Variants in WRN observed in about 807,000 individuals in gnomAD.
WRN encodes WRN RecQ like helicase, also known as bifunctional 3'-5' exonuclease/ATP-dependent helicase WRN.
WRN carries 149 observed loss-of-function variants against 180.7 expected under a neutral mutation model. The ratio of observed to expected loss-of-function variants is 0.82; its 90% confidence interval spans 0.72 to 0.94. The LOEUF is 0.94. WRN is among the 40% of genes least tolerant of loss of function. The probability of loss-of-function intolerance (pLI) is 0.00; values close to 1 mark genes in which losing one functional copy is unlikely to be tolerated. For synonymous variants in WRN, 548 were observed against 568.9 expected (o/e 0.96, Z 0.52); for missense variants, 1,661 against 1,700.1 (o/e 0.98, Z 0.40).
chr8:31,048,386 T>C (rs1017196128), intron 1 of WRN, among the ~76,000 whole-genome samples: 2 of 152,220 alleles, frequency 1.3e-5, no homozygotes, highest in African/African-American at 2.4e-5. Flanking sequence ...CCCCTTCTTA[T>C]TCTTTTTGGT....
At chr8:31,082,016 C>T (rs1813335075) in intron 9 of WRN, among the ~76,000 whole-genome samples, 1 of 152,180 alleles carries the variant, frequency 6.6e-6, no homozygotes, top group Non-Finnish European at 1.5e-5. Flanking sequence ...CTGCCTTGGC[C>T]TCCCAAAGTG....
At chr8:31,137,801 A>C (rs1255694327) in intron 24 of WRN, among the ~76,000 whole-genome samples, 1 of 152,018 alleles carries the variant, frequency 6.6e-6, no homozygotes, top group African/African-American at 2.4e-5. Flanking sequence ...GTGCTTGTGC[A>C]TGCGTGTGGT....
intron 11 of WRN, among the ~76,000 whole-genome samples, chr8:31,086,139 A>T (rs947100367): frequency 3.9e-5 from 6 of 152,176 alleles, no homozygotes; most frequent in African/African-American, 1.4e-4. Flanking sequence ...GTAAAAAATG[A>T]AGAAAAACAC....
Position 31,059,181 on chromosome 8 carries a change from A to G in WRN, c.125A>G (p.Asp42Gly). The G allele has an allele frequency of 6.2e-7, 1 of 1,613,856 alleles. No homozygotes were observed. Among genetic ancestry groups the G allele is most frequent in the Non-Finnish European group, 8.5e-7 (1 of 1,179,882 alleles). Reference protein sequence around the residue: ...KACVRKSVFEDDLPFLEFTGS... With the variant: ...KACVRKSVFEGDLPFLEFTGS... ...TGTGTTCGGAAGAGTGTTTTTGAAGATGACCTCCCCTTCTTAGAATTCACT... is the reference window on the plus strand; with the variant it reads ...TGTGTTCGGAAGAGTGTTTTTGAAGGTGACCTCCCCTTCTTAGAATTCACT... The change falls in exon 3 of 35, where the codon GAT becomes GGT. Residue 42 changes from aspartate to glycine, a missense_variant. Asp to Gly is a moderately conservative substitution (Grantham distance 94). Coordinates refer to ENST00000298139, the MANE Select transcript of WRN (RefSeq NM_000553.6).
intron 16 of WRN, among the ~76,000 whole-genome samples, chr8:31,094,108 T>C (rs911311447): frequency 1.3e-5 from 2 of 152,208 alleles, no homozygotes; most frequent in African/African-American, 4.8e-5. Flanking sequence ...TTTTATTATA[T>C]ATGACGGAGC....
chr8:31,141,504 G>A lies in WRN; in HGVS notation c.3042G>A (p.Trp1014Ter), dbSNP rs371720457. 1.7e-5 allele frequency: 28 copies of A among 1,614,012 alleles called. No homozygotes were observed. The highest frequency in any genetic ancestry group is 2.2e-5 in the Non-Finnish European group (26 of 1,180,034). Residue 1014 changes from tryptophan (W) to a stop codon, truncating the protein, a stop_gained, in exon 25 of 35, where the codon TGG (tryptophan) becomes TGA (stop). Coordinates refer to ENST00000298139, the MANE Select transcript of WRN (RefSeq NM_000553.6). LOFTEE classifies it high-confidence loss of function. ...FGTGKDQTES[W>*]WKAFSRQLIT... ...CTGGCAAGGATCAAACAGAGAGTTG[G>A]TGGAAGGCTTTTTCCCGTCAGCTGA...
intron 1 of WRN, among the ~76,000 whole-genome samples, chr8:31,047,388 A>G (rs1032022789): frequency 2.0e-5 from 3 of 152,118 alleles, no homozygotes; most frequent in Non-Finnish European, 4.4e-5. Context: ...TTAGCCTCCC[A>G]AAGTGCTGGG....
At chr8:31,134,352 A>G (rs7832041) in intron 24 of WRN, among the ~76,000 whole-genome samples, 10,519 of 152,270 alleles carry the variant, frequency 0.069, 421 homozygotes, top group African/African-American at 0.091. Flanking sequence ...ATATAAATAT[A>G]TAACATAGTA....
rs1182469350 is a variant in WRN, at chr8:31,034,804, A to G, written c.-77+831A>G. ...GAGACAAAGTTGGTCAGGAATTGTT[A>G]TTGGTTTACAGAGATACCATTGCTT... On this transcript the variant is annotated intron_variant, in intron 1 of 34. Transcript: ENST00000298139. Among the ~76,000 whole-genome samples the G allele has an allele frequency of 4.6e-5, 7 of 152,124 alleles. No individual in the cohort carries two copies. In the East Asian group the frequency reaches 1.2e-3, roughly 25 times the overall value.
At chr8:31,069,845 T>C (rs73579593) in intron 7 of WRN, among the ~76,000 whole-genome samples, 2,797 of 152,246 alleles carry the variant, frequency 0.018, 69 homozygotes, top group African/African-American at 0.064. Context: ...GGGAGAGTTA[T>C]GATTTTTTGG....
chr8:31,092,855 C>A (rs1283523258), intron 16 of WRN, among the ~76,000 whole-genome samples: 1 of 152,146 alleles, frequency 6.6e-6, no homozygotes, highest in African/African-American at 2.4e-5. Context: ...AATATTAACT[C>A]TTTTGTGTAA....
intron 18 of WRN, among the ~76,000 whole-genome samples, chr8:31,101,878 T>C (rs1293686758): frequency 1.4e-5 from 2 of 146,890 alleles, no homozygotes; most frequent in Admixed American, 6.8e-5. Flanking sequence ...AAACCCACAA[T>C]AATAGCACTG....
At chr8:31,047,227 C>G (rs570183509) in intron 1 of WRN, among the ~76,000 whole-genome samples, 1 of 151,110 alleles carries the variant, frequency 6.6e-6, no homozygotes, top group East Asian at 2.0e-4. Context: ...ACTGCAACCT[C>G]GAATCCCTGG....
intron 9 of WRN, among the ~76,000 whole-genome samples, chr8:31,083,142 A>G (rs1285302489): frequency 6.6e-6 from 1 of 152,186 alleles, no homozygotes; most frequent in Non-Finnish European, 1.5e-5. Flanking sequence ...TTGCCAAATT[A>G]TTGAAAAGTT....
intron 17 of WRN, among the ~76,000 whole-genome samples, chr8:31,099,361 G>T (rs1184803622): frequency 6.8e-6 from 1 of 147,502 alleles, no homozygotes; most frequent in East Asian, 2.0e-4. Context: ...CCGAGATTGC[G>T]CCACTGCACT....
chr8:31,034,635 T>C (rs775587958), intron 1 of WRN, among the ~76,000 whole-genome samples: 1 of 152,160 alleles, frequency 6.6e-6, no homozygotes, highest in African/African-American at 2.4e-5. Context: ...AGGAAGAGGC[T>C]GGGGCACAAA....
intron 34 of WRN, among the ~76,000 whole-genome samples, chr8:31,170,494 A>G (rs552540312): frequency 5.3e-5 from 8 of 152,350 alleles, no homozygotes; most frequent in African/African-American, 1.9e-4. Flanking sequence ...TGACAAATGT[A>G]TCAGGCTCGG....
At chr8:31,126,825 A>G (rs930723219) in intron 23 of WRN, among the ~76,000 whole-genome samples, 11 of 152,188 alleles carry the variant, frequency 7.2e-5, no homozygotes, top group Admixed American at 6.5e-4. Context: ...AACAAAATTG[A>G]TATAAACTTC....
chr8:31,170,471 A>G (rs533035459), intron 34 of WRN, among the ~76,000 whole-genome samples: 1 of 152,318 alleles, frequency 6.6e-6, no homozygotes, highest in African/African-American at 2.4e-5. Flanking sequence ...TTGACTTATG[A>G]AAATAGTTTT....
Sources: gnomAD v4.1 joint callset for allele counts (sites outside exome capture counted in the v4.1 genomes callset) on GRCh38, gnomAD v4.1.1 for gene constraint, MANE v1.5 for transcripts, NCBI Gene and HGNC (gene_info 2026-07-23, HGNC 2026-07-21) for gene names.